The following NSD2 variants were observed in gnomAD, a reference collection of about 807,000 sequenced individuals.
NSD2 encodes histone-lysine N-methyltransferase NSD2.
A neutral mutation model predicts 139.0 loss-of-function variants in NSD2; 12 were observed. That is an observed-to-expected ratio of 0.09 (90% confidence interval 0.06 to 0.14). The LOEUF (loss-of-function observed/expected upper bound fraction) is 0.14, where lower values mean the gene tolerates loss of function less well. NSD2 is among the 10% of genes least tolerant of loss of function. The probability of loss-of-function intolerance (pLI) is 1.00; values close to 1 mark genes in which losing one functional copy is unlikely to be tolerated. For missense variants in NSD2, 1,155 were observed against 1,745.0 expected (o/e 0.66, Z 6.02); for synonymous variants, 669 against 648.7 (o/e 1.03, Z -0.48).
chr4:1,968,472 A>G (rs1726108594), intron 18 of NSD2, among the ~76,000 whole-genome samples: 1 of 152,224 alleles, frequency 6.6e-6, no homozygotes, highest in Non-Finnish European at 1.5e-5. Context: ...GTTAAAGTAT[A>G]CATGTGACGT....
chr4:1,956,075 T>G lies in NSD2; in HGVS notation c.2768T>G (p.Phe923Cys). 1 of 1,613,938 alleles carries G rather than the reference T, an allele frequency of 6.2e-7. No homozygotes were observed. Among genetic ancestry groups the G allele is most frequent in the Non-Finnish European group, 8.5e-7 (1 of 1,180,036 alleles). ...ATTGGAGAATTCCCTGTGTTTTTCT[T>G]TGGGTCTAAAGATTATTACTGGACG... is the stretch of plus-strand genomic sequence containing the variant. Reference protein sequence around the residue: ...HEIGEFPVFFFGSKDYYWTHQ... With the variant: ...HEIGEFPVFFCGSKDYYWTHQ... The change falls in exon 15 of 22, where the codon TTT becomes TGT. Residue 923 changes from phenylalanine (F) to cysteine (C), a missense_variant. By Grantham distance (205) the Phe-to-Cys change is radical (BLOSUM62 -2). Transcript: ENST00000508803. The surrounding 1 kb of genome is among the most constrained non-coding windows in gnomAD (Gnocchi z 5.3).
chr4:1,922,535 T>C (rs1206391736), intron 5 of NSD2, among the ~76,000 whole-genome samples: 2 of 152,244 alleles, frequency 1.3e-5, no homozygotes, highest in African/African-American at 4.8e-5. Flanking sequence ...AACAGGAATT[T>C]ATTTGCCCTT....
At chr4:1,953,167 A>G in intron 11 of NSD2, 157 bp from the exon 12 acceptor site, 1 of 1,553,886 alleles carries the variant, frequency 6.4e-7, no homozygotes. Context: ...TTGCTGGAGA[A>G]TGCTTGGACT....
chr4:1,909,958 ATTAT>A (rs1214328287), intron 3 of NSD2, among the ~76,000 whole-genome samples: 1 of 151,780 alleles, frequency 6.6e-6, no homozygotes, highest in African/African-American at 2.4e-5. Flanking sequence ...AAAAAAAAAA[ATTAT>A]TTATCATGCT....
rs747413223 is a variant in NSD2, at chr4:1,978,669, C to T, written c.3858C>T (p.Asp1286=). Residue 1286 remains aspartate (D), a synonymous_variant, in exon 22 of 22, where the codon GAC becomes GAT. Coordinates refer to ENST00000508803, the MANE Select transcript of NSD2 (RefSeq NM_001042424.3). ...GKWECPWHHC[D]VCGKPSTSFC... ...GGGAATGTCCTTGGCATCATTGTGA[C>T]GTGTGTGGCAAACCTTCGACTTCAT... The T allele has an allele frequency of 7.4e-6, 12 of 1,613,404 alleles. No homozygotes were observed. In the East Asian group the frequency reaches 8.9e-5, roughly 12 times the overall value.
At chr4:1,971,663 A>AGGGGACC (rs1340302274) in intron 18 of NSD2, among the ~76,000 whole-genome samples, 6 of 152,112 alleles carry the variant, frequency 3.9e-5, no homozygotes, top group Non-Finnish European at 8.8e-5. Flanking sequence ...ACATGGGAGG[A>AGGGGACC]GGGGACCTGG....
intron 2 of NSD2, among the ~76,000 whole-genome samples, chr4:1,901,870 G>A (rs1560596473): frequency 2.0e-5 from 3 of 152,242 alleles, no homozygotes; most frequent in African/African-American, 2.4e-5. Flanking sequence ...CTGAACACAA[G>A]CGAATGAGTG....
At chr4:1,925,214 A>G (rs1378418607) in intron 5 of NSD2, among the ~76,000 whole-genome samples, 1 of 151,846 alleles carries the variant, frequency 6.6e-6, no homozygotes, top group Non-Finnish European at 1.5e-5. Flanking sequence ...GCACACAAGG[A>G]TGGTTTTTGT....
intron 21 of NSD2, among the ~76,000 whole-genome samples, chr4:1,977,002 G>C (rs1245225397): frequency 6.6e-6 from 1 of 152,258 alleles, no homozygotes; most frequent in Non-Finnish European, 1.5e-5. Flanking sequence ...CAGGAAGGAG[G>C]CGACGCTGGG....
In NSD2 at chr4:1,945,781, G is replaced by A. The variant is rs562824105; in HGVS notation, c.1882-5291G>A. 6 of 1,064,342 alleles carry A rather than the reference G, an allele frequency of 5.6e-6. No homozygotes were observed. In the East Asian group the frequency reaches 2.0e-4, roughly 35 times the overall value. 65.9% of individuals were successfully genotyped at this position (1,064,342 alleles called of 1,614,324 possible). ...CAGTCACTGCGTCTGGGCCTGAGAC[G>A]TGCATGGAGGGCTGTAAAGCCACGG... On this transcript the variant is annotated intron_variant, in intron 9 of 21. Coordinates refer to ENST00000508803, the MANE Select transcript of NSD2 (RefSeq NM_001042424.3).
chr4:1,948,518 C>A lies in NSD2; in HGVS notation c.1882-2554C>A. 2 of 1,064,172 alleles carry A rather than the reference C, an allele frequency of 1.9e-6. No homozygotes were observed. Among genetic ancestry groups the A allele is most frequent in the Non-Finnish European group, 2.3e-6 (2 of 877,760 alleles). The allele number at this position is 1,064,172 out of a possible 1,614,324, so 65.9% of individuals were successfully genotyped here. On this transcript the variant is annotated intron_variant, in intron 9 of 21. Coordinates refer to ENST00000508803, the MANE Select transcript of NSD2 (RefSeq NM_001042424.3). This position sits in a 1 kb window ranked among gnomAD's most constrained non-coding sequence, Gnocchi z 4.5. ...CGAGCCGAGAGCATTGGATCCTCCC[C>A]GACTGTGGCTAGTTGTCTGTCCGGT... is the stretch of plus-strand genomic sequence containing the variant.
chr4:1,887,013 C>T (rs867153788), intron 1 of NSD2, among the ~76,000 whole-genome samples: 2 of 152,128 alleles, frequency 1.3e-5, no homozygotes, highest in Admixed American at 6.5e-5. Flanking sequence ...GTTTGATGAT[C>T]TATTCCAGAA....
intron 18 of NSD2, among the ~76,000 whole-genome samples, chr4:1,965,255 A>G (rs1248642361): frequency 5.9e-5 from 9 of 152,192 alleles, no homozygotes; most frequent in Non-Finnish European, 1.0e-4. Context: ...ATGCATGAAC[A>G]AAATGGCAGT....
rs201961899 is a variant in NSD2, at chr4:1,955,678, G to A, written c.2519-15G>A. ...CAGACAGGCTAAGCCTGGCCGCCTC[G>A]CCCTCCTCTTGCAGGGGGGAGCCTT... On this transcript the variant is annotated splice_polypyrimidine_tract_variant and intron_variant, in intron 13 of 21. Coordinates refer to ENST00000508803, the MANE Select transcript of NSD2 (RefSeq NM_001042424.3). This position sits in a 1 kb window ranked among gnomAD's most constrained non-coding sequence, Gnocchi z 4.7. 14 of 1,607,252 alleles carry A rather than the reference G, an allele frequency of 8.7e-6. No homozygotes were observed. The highest frequency in any genetic ancestry group is 1.7e-5 in the Admixed American group (1 of 59,434).
At chr4:1,903,527 C>T (rs541131200) in intron 2 of NSD2, among the ~76,000 whole-genome samples, 5 of 152,164 alleles carry the variant, frequency 3.3e-5, no homozygotes, top group African/African-American at 4.8e-5. Flanking sequence ...GAGAACTGAT[C>T]GTCAGACATG....
chr4:1,976,636 G>A lies in NSD2; in HGVS notation c.3783G>A (p.Lys1261=). 5.0e-6 allele frequency: 8 copies of A among 1,605,912 alleles called. No homozygotes were observed. The highest frequency in any genetic ancestry group is 6.8e-6 in the Non-Finnish European group (8 of 1,176,452). The change falls in exon 21 of 22, where the codon AAG becomes AAA. Residue 1261 remains lysine, a synonymous_variant. Transcript: ENST00000508803. This position sits in a 1 kb window ranked among gnomAD's most constrained non-coding sequence, Gnocchi z 5.3. The part of the protein sequence containing the change: ...LVLCDRKFCT[K]AYHLSCLGLG... ...TGTGTGACCGCAAGTTCTGCACCAA[G>A]GCCTACCACCTGTCCTGCCTGGGCC...
In NSD2 at chr4:1,955,050, T is replaced by C; in HGVS notation, c.2339-111T>C. Reference sequence around the variant, plus strand: ...TTTTAAATCAAATACCTCCATTTCATTTTAGCATTAACTTTTCAAATTCAT... The same window carrying C: ...TTTTAAATCAAATACCTCCATTTCACTTTAGCATTAACTTTTCAAATTCAT... On this transcript the variant is annotated intron_variant, in intron 12 of 21. Transcript: ENST00000508803. This position sits in a 1 kb window ranked among gnomAD's most constrained non-coding sequence, Gnocchi z 4.7. The C allele has an allele frequency of 8.4e-7, 1 of 1,191,824 alleles. No homozygotes were observed. Among genetic ancestry groups the C allele is most frequent in the South Asian group, 1.7e-5 (1 of 57,194 alleles). The allele number at this position is 1,191,824 out of a possible 1,614,324, so 73.8% of individuals were successfully genotyped here. A position where few individuals can be genotyped will look rare whatever the true frequency, so the allele number is the denominator to read the frequency against.
Position 1,978,867 on chromosome 4 carries a change from G to A in NSD2, c.4056G>A (p.Arg1352=). 1.3e-6 allele frequency: 2 copies of A among 1,594,860 alleles called. No homozygotes were observed. Among genetic ancestry groups the A allele is most frequent in the East Asian group, 2.3e-5 (1 of 44,326 alleles). Residue 1352 remains arginine, a synonymous_variant, in exon 22 of 22, where the codon AGG becomes AGA. Transcript: ENST00000508803. ...PPEPGKPKGK[R]RRRRGWRRVT... ...AGCCAGGGAAGCCGAAGGGGAAGAG[G>A]CGGCGGCGGAGGGGCTGGCGGAGAG...
intron 1 of NSD2, chr4:1,899,449 A>T (rs1716875569): frequency 6.6e-6 from 1 of 152,226 alleles, no homozygotes. Flanking sequence ...GATGAGGTTA[A>T]GTGTCCCTGG....
Sources: allele counts gnomAD v4.1 joint callset (sites outside exome capture counted in the v4.1 genomes callset), GRCh38; gene constraint gnomAD v4.1.1; non-coding constraint Gnocchi (gnomAD v3.1); transcripts MANE v1.5; gene names NCBI Gene and HGNC (gene_info 2026-07-23, HGNC 2026-07-21).